The following ECPAS variants were observed in gnomAD, a reference collection of about 807,000 sequenced individuals.
The protein encoded by ECPAS is Ecm29 proteasome adaptor and scaffold, also known as proteasome adapter and scaffold protein ECM29.
A neutral mutation model predicts 255.1 loss-of-function variants in ECPAS; 70 were observed. The ratio of observed to expected loss-of-function variants is 0.27; its 90% CI spans 0.23 to 0.33. The LOEUF (loss-of-function observed/expected upper bound fraction) is 0.33. Ranked by LOEUF, ECPAS falls within the 10% of genes least tolerant of loss-of-function variation. The probability of loss-of-function intolerance (pLI) is 1.00; values close to 1 mark genes in which losing one functional copy is unlikely to be tolerated. For synonymous variants in ECPAS, 784 were observed against 775.0 expected, an observed-to-expected ratio of 1.01 and a Z score of -0.19; for missense variants, 1,817 against 2,206.4, an observed-to-expected ratio of 0.82 and a Z score of 3.54.
chr9:111,383,301 C>A lies in ECPAS; in HGVS notation c.3713G>T (p.Gly1238Val), dbSNP rs762797584. 8 of 1,612,434 alleles carry A rather than the reference C, an allele frequency of 5.0e-6. No individual in the cohort carries two copies. Among genetic ancestry groups the A allele is most frequent in the Admixed American group, 1.7e-5 (1 of 59,820 alleles). ...VCVKMCDPAKGAAGQRTIAAL... is the reference protein window; with the variant it reads ...VCVKMCDPAKVAAGQRTIAAL... ...AGCGATGGTTCTCTGGCCAGCTGCT[C>A]CTTTGGCAGGGTCACACATTTTCAC... is the stretch of plus-strand genomic sequence containing the variant. Residue 1238 changes from glycine (G) to valine (V), a missense_variant, in exon 35 of 50, where the codon GGA (glycine) becomes GTA (valine). Coordinates refer to ENST00000684092, the MANE Select transcript of ECPAS (RefSeq NM_001364929.1).
intron 35 of ECPAS, among the ~76,000 whole-genome samples, chr9:111,380,420 G>A (rs181215977): frequency 6.6e-6 from 1 of 152,268 alleles, no homozygotes; most frequent in East Asian, 1.9e-4. Context: ...AGTAAACCAT[G>A]CTGTTAACAG....
At chr9:111,436,159 G>A (rs2098237905) in intron 7 of ECPAS, among the ~76,000 whole-genome samples, 1 of 151,868 alleles carries the variant, frequency 6.6e-6, no homozygotes, top group Admixed American at 6.6e-5. Context: ...CCCCTCTCCT[G>A]GGAATACTGT....
intron 45 of ECPAS, 103 bp downstream of exon 45, chr9:111,370,332 T>C (rs887833201): frequency 4.1e-6 from 3 of 728,388 alleles, no homozygotes; most frequent in Admixed American, 3.1e-5. Flanking sequence ...TCTCTGCTAC[T>C]TGCAGCTAAA....
chr9:111,455,660 G>A (rs757418060), intron 2 of ECPAS, among the ~76,000 whole-genome samples: 26 of 152,188 alleles, frequency 1.7e-4, no homozygotes, highest in Non-Finnish European at 3.5e-4. Context: ...TCCCTTCAGG[G>A]CGGAATTTTG....
chr9:111,412,962 A>G (rs1276836310), intron 20 of ECPAS, among the ~76,000 whole-genome samples: 4 of 152,232 alleles, frequency 2.6e-5, no homozygotes, highest in Admixed American at 2.0e-4. Context: ...ATACAAAAAA[A>G]AAAATTATTC....
intron 1 of ECPAS, among the ~76,000 whole-genome samples, chr9:111,482,254 A>G (rs1393246994): frequency 1.3e-5 from 2 of 152,158 alleles, no homozygotes; most frequent in African/African-American, 2.4e-5. Context: ...CGACTCTCCA[A>G]TCTGCTCAGG....
At chr9:111,452,660 T>C (rs915366690) in intron 2 of ECPAS, among the ~76,000 whole-genome samples, 3 of 152,158 alleles carry the variant, frequency 2.0e-5, no homozygotes, top group Non-Finnish European at 2.9e-5. Context: ...TACAGGAAGA[T>C]AGATTAGATA....
At chr9:111,379,651 G>A (rs946166897) in intron 35 of ECPAS, among the ~76,000 whole-genome samples, 22 of 152,180 alleles carry the variant, frequency 1.4e-4, no homozygotes, top group African/African-American at 5.3e-4. Flanking sequence ...ACATTAGAAC[G>A]TCTTTCAAAG....
At chr9:111,382,957 C>G (rs2098142515) in intron 35 of ECPAS, among the ~76,000 whole-genome samples, 1 of 152,134 alleles carries the variant, frequency 6.6e-6, no homozygotes, top group Non-Finnish European at 1.5e-5. Flanking sequence ...TACAGTGTAA[C>G]AGGAAGACGT....
chr9:111,414,542 C>T lies in ECPAS; in HGVS notation c.1874G>A (p.Arg625Gln). 6.2e-7 allele frequency: 1 copy of T among 1,613,974 alleles called. No individual in the cohort carries two copies. Residue 625 changes from arginine (R) to glutamine (Q), a missense_variant, in exon 19 of 50, where the codon CGG (arginine) becomes CAG (glutamine). Around this residue, in one of 4 missense-constraint regions of ECPAS, gnomAD observed 573 missense variants for 716.2 expected, o/e 0.80. Coordinates refer to ENST00000684092, the MANE Select transcript of ECPAS (RefSeq NM_001364929.1). ...CATCTGCCCGCTTGACATTAAAGTCCGTATGTAGCGCCCAATGGCTGGGGC... is the reference window on the plus strand; with the variant it reads ...CATCTGCCCGCTTGACATTAAAGTCTGTATGTAGCGCCCAATGGCTGGGGC... Reference protein sequence around the residue: ...DHAPAIGRYIRTLMSSGQMAP... With the variant: ...DHAPAIGRYIQTLMSSGQMAP...
chr9:111,386,423 A>C lies in ECPAS; in HGVS notation c.3481T>G (p.Leu1161Val), dbSNP rs908274532. 49 of 1,600,566 alleles carry C rather than the reference A, an allele frequency of 3.1e-5. No individual in the cohort carries two copies. The highest frequency in any genetic ancestry group is 4.0e-5 in the Non-Finnish European group (47 of 1,169,896). ...DKYLKEILQD[L>V]VKNLTSNMWR... ...ATATTGCTTGTAAGGTTCTTAACCA[A>C]ATCTTGAAGAATTTCTTTCAAATAT... The change falls in exon 32 of 50, where the codon TTG (leucine) becomes GTG (valine). Residue 1161 changes from leucine (L) to valine (V), a missense_variant. Physicochemically the swap from Leu to Val is conservative, Grantham distance 32 (BLOSUM62 1). Transcript: ENST00000684092.
intron 44 of ECPAS, 46 bp from the exon 45 acceptor site, chr9:111,370,673 T>C: frequency 6.2e-7 from 1 of 1,605,430 alleles, no homozygotes; most frequent in Non-Finnish European, 8.5e-7. Flanking sequence ...AAGGCTGCAG[T>C]TTTCGGGTCC....
intron 4 of ECPAS, among the ~76,000 whole-genome samples, 197 bp from the exon 5 acceptor site, chr9:111,442,621 T>C (rs369787036): frequency 4.6e-5 from 7 of 152,324 alleles, no homozygotes; most frequent in African/African-American, 1.7e-4. Flanking sequence ...TTAATCAAAA[T>C]GCTTGCTTTA....
intron 17 of ECPAS, 61 bp from the exon 18 acceptor site, chr9:111,416,413 C>T (rs1340157710): frequency 1.2e-5 from 15 of 1,224,678 alleles, no homozygotes; most frequent in East Asian, 7.0e-5. Context: ...CCTGCCCTTC[C>T]TCAACTCAAA....
At chr9:111,383,439 G>C (rs1373933397) in intron 34 of ECPAS, 107 bp from the exon 35 acceptor site, 6 of 1,378,216 alleles carry the variant, frequency 4.4e-6, no homozygotes, top group African/African-American at 2.9e-5. Flanking sequence ...AAGAATAAGT[G>C]AATCTACTTT....
At chr9:111,419,655 C>G (rs982115509) in intron 16 of ECPAS, among the ~76,000 whole-genome samples, 2 of 151,242 alleles carry the variant, frequency 1.3e-5, no homozygotes, top group African/African-American at 4.8e-5. Flanking sequence ...CAACATCAGC[C>G]TTTTTTCTCC....
chr9:111,431,082 G>C (rs757302198), intron 8 of ECPAS, among the ~76,000 whole-genome samples: 10 of 152,172 alleles, frequency 6.6e-5, no homozygotes, highest in Non-Finnish European at 1.5e-4. Flanking sequence ...TGAAATTAAA[G>C]CCACATCTAG....
Position 111,402,182 on chromosome 9 carries a change from A to G in ECPAS, c.2653-5029T>C, listed in dbSNP as rs1397143122. On this transcript the variant is annotated intron_variant, in intron 24 of 49. Coordinates refer to ENST00000684092, the MANE Select transcript of ECPAS (RefSeq NM_001364929.1). ...TAATTTTGGGAACTGGTAAGTGTTC[A>G]TGAAATCTTCACAATTTATGTTCTT... Among the ~76,000 whole-genome samples the G allele has an allele frequency of 2.6e-5, 4 of 152,378 alleles. No homozygotes were observed. In the East Asian group the frequency reaches 7.7e-4, roughly 29 times the overall value.
intron 3 of ECPAS, among the ~76,000 whole-genome samples, chr9:111,450,018 T>C (rs1589215958): frequency 1.3e-5 from 2 of 152,190 alleles, no homozygotes. Flanking sequence ...ATCCCAAATA[T>C]ATTCTTTCAT....
Sources: allele counts gnomAD v4.1 joint callset (sites outside exome capture counted in the v4.1 genomes callset), GRCh38; gene constraint gnomAD v4.1.1; regional missense constraint gnomAD v4.1.1; transcripts MANE v1.5; gene names NCBI Gene and HGNC (gene_info 2026-07-23, HGNC 2026-07-21).